Variants in ST8SIA6 observed in about 807,000 individuals in gnomAD.
ST8SIA6 encodes the protein ST8 alpha-N-acetyl-neuraminide alpha-2,8-sialyltransferase 6, also known as alpha-2,8-sialyltransferase 8F.
In ST8SIA6, 39 loss-of-function variants were observed where a neutral mutation model predicts 33.6. The observed-to-expected ratio is 1.16, with a 90% CI of 0.90 to 1.52. The LOEUF is 1.52. Among genes scored for constraint, ST8SIA6 ranks in the 40% most tolerant of loss-of-function variants. The pLI is 0.00. For synonymous variants in ST8SIA6, 172 were observed against 167.2 expected (o/e 1.03, Z -0.22); for missense variants, 441 against 443.8 (o/e 0.99, Z 0.06).
chr10:17,349,735 AT>A (rs1343911115), intron 4 of ST8SIA6, among the ~76,000 whole-genome samples: 1 of 152,230 alleles, frequency 6.6e-6, no homozygotes, highest in African/African-American at 2.4e-5. Context: ...CAATAATAAA[AT>A]GCCTGAAACA....
intron 2 of ST8SIA6, among the ~76,000 whole-genome samples, chr10:17,399,475 C>G (rs565951416): frequency 6.6e-6 from 1 of 152,216 alleles, no homozygotes; most frequent in East Asian, 1.9e-4. Flanking sequence ...CTTAAAATTG[C>G]AAAAATGTCT....
intron 3 of ST8SIA6, among the ~76,000 whole-genome samples, chr10:17,383,805 A>T (rs1850244104): frequency 6.6e-6 from 1 of 152,178 alleles, no homozygotes; most frequent in East Asian, 1.9e-4. Context: ...AATCCTTTTG[A>T]CTTTTTGCTT....
rs919582278 is a variant in ST8SIA6 at position 17,317,168 on chromosome 10, G to A, written c.*3710C>T. ...GCATTTATTTTTCTCCATAGAGTGA[G>A]CCAATGTTTCAATATTATCTGCTAA... is the stretch of plus-strand genomic sequence containing the variant. On this transcript the variant is annotated 3_prime_UTR_variant, in exon 8 of 8. Transcript: ENST00000377602. 6.6e-6 allele frequency among the ~76,000 whole-genome samples: 1 copy of A among 152,136 alleles called. No individual in the cohort carries two copies. The highest frequency in any genetic ancestry group is 1.5e-5 in the Non-Finnish European group (1 of 68,020).
At chr10:17,453,167 C>T (rs11816073) in intron 2 of ST8SIA6, among the ~76,000 whole-genome samples, 2 of 149,946 alleles carry the variant, frequency 1.3e-5, no homozygotes, top group South Asian at 4.2e-4. Context: ...ACACCGGTGC[C>T]CTTTAAAGCA....
At chr10:17,434,870 C>T (rs945376753) in intron 2 of ST8SIA6, among the ~76,000 whole-genome samples, 1 of 152,186 alleles carries the variant, frequency 6.6e-6, no homozygotes, top group African/African-American at 2.4e-5. Context: ...GAGAGGGCAA[C>T]TTTCTGGAGG....
intron 2 of ST8SIA6, among the ~76,000 whole-genome samples, chr10:17,417,648 T>C (rs1433636125): frequency 6.6e-6 from 1 of 152,102 alleles, no homozygotes; most frequent in Non-Finnish European, 1.5e-5. Context: ...GAATGTTCAC[T>C]GAAAGAATGA....
intron 2 of ST8SIA6, among the ~76,000 whole-genome samples, chr10:17,414,726 G>C (rs941061803): frequency 6.6e-6 from 1 of 152,014 alleles, no homozygotes; most frequent in Non-Finnish European, 1.5e-5. Flanking sequence ...TTCTTATAAA[G>C]ACACCAGCCC....
At chr10:17,439,061 C>A (rs1852378825) in intron 2 of ST8SIA6, among the ~76,000 whole-genome samples, 1 of 152,202 alleles carries the variant, frequency 6.6e-6, no homozygotes, top group African/African-American at 2.4e-5. Context: ...CACAAACCAC[C>A]TTCCAAACTA....
chr10:17,436,498 C>A (rs190348711), intron 2 of ST8SIA6, among the ~76,000 whole-genome samples: 2,989 of 150,956 alleles, frequency 0.02, 76 homozygotes, highest in East Asian at 0.085. Context: ...CATTAGGTAT[C>A]TCTCCTAATG....
intron 3 of ST8SIA6, among the ~76,000 whole-genome samples, chr10:17,373,068 A>G (rs961841349): frequency 6.6e-6 from 1 of 152,092 alleles, no homozygotes; most frequent in Non-Finnish European, 1.5e-5. Flanking sequence ...GGCTGCAAGA[A>G]AAAACACACT....
chr10:17,336,549 G>A (rs1848505220), intron 4 of ST8SIA6, among the ~76,000 whole-genome samples: 1 of 149,632 alleles, frequency 6.7e-6, no homozygotes, highest in South Asian at 2.1e-4. Context: ...CCACAGATTC[G>A]TTTTTCCTGT....
chr10:17,327,442 C>G lies in ST8SIA6; in HGVS notation c.523-316G>C, dbSNP rs182745309. 1.1e-3 allele frequency among the ~76,000 whole-genome samples: 161 copies of G among 152,130 alleles called. 1 individual carries two copies. Among genetic ancestry groups the G allele is most frequent in the Middle Eastern group, 0.01 (3 of 294 alleles). ...TCTGCGAAAAATACAAAAAAATTAG[C>G]TGGGCGTGGTGGTGGGTGCCTGTAA... On this transcript the variant is annotated intron_variant, in intron 5 of 7. Transcript: ENST00000377602.
At chr10:17,383,696 G>A (rs909985163) in intron 3 of ST8SIA6, among the ~76,000 whole-genome samples, 2 of 152,196 alleles carry the variant, frequency 1.3e-5, no homozygotes, top group African/African-American at 4.8e-5. Flanking sequence ...TTTGTAGATT[G>A]TGATATCAGA....
At chr10:17,344,978 T>C (rs1848785238) in intron 4 of ST8SIA6, among the ~76,000 whole-genome samples, 1 of 146,234 alleles carries the variant, frequency 6.8e-6, no homozygotes, top group Non-Finnish European at 1.5e-5. Context: ...TTCTTACTAC[T>C]AGGAATGTAA....
intron 6 of ST8SIA6, among the ~76,000 whole-genome samples, chr10:17,324,522 T>A (rs1848059147): frequency 6.6e-6 from 1 of 151,952 alleles, no homozygotes. Context: ...TAATCAAAAG[T>A]GATTTCTAGT....
intron 3 of ST8SIA6, among the ~76,000 whole-genome samples, chr10:17,375,158 A>G (rs183157516): frequency 1.1e-4 from 16 of 152,234 alleles, no homozygotes; most frequent in Non-Finnish European, 7.4e-5. Context: ...AGGTGAGTAG[A>G]AAGACAAAAA....
At chr10:17,387,862 A>G (rs145829914) in intron 3 of ST8SIA6, among the ~76,000 whole-genome samples, 6 of 152,332 alleles carry the variant, frequency 3.9e-5, no homozygotes, top group Admixed American at 6.5e-5. Context: ...TTACAAAACA[A>G]AGGTTTGTTT....
intron 3 of ST8SIA6, among the ~76,000 whole-genome samples, chr10:17,371,783 T>TAAAAAAAA (rs747851635): frequency 7.1e-5 from 7 of 98,456 alleles, no homozygotes; most frequent in African/African-American, 1.2e-4. Flanking sequence ...AAGACTCCAT[T>TAAAAAAAA]AAAAAAAAAA....
chr10:17,425,585 AAAGG>A (rs975253212), intron 2 of ST8SIA6, among the ~76,000 whole-genome samples: 2 of 151,208 alleles, frequency 1.3e-5, no homozygotes, highest in African/African-American at 2.4e-5. Flanking sequence ...GGAAAGAACG[AAAGG>A]AAGGAAGGAA....
Sources: gnomAD v4.1 joint callset for allele counts (sites outside exome capture counted in the v4.1 genomes callset) on GRCh38, gnomAD v4.1.1 for gene constraint, MANE v1.5 for transcripts, NCBI Gene and HGNC (gene_info 2026-07-23, HGNC 2026-07-21) for gene names.